SLC28A1: variants seen among roughly 807,000 people sequenced by gnomAD.
The protein encoded by SLC28A1 is sodium/nucleoside cotransporter 1.
Under a neutral mutation model 74.8 loss-of-function variants are expected in SLC28A1, and 64 were observed. The observed-to-expected ratio is 0.86, with a 90% CI of 0.70 to 1.05. The LOEUF (loss-of-function observed/expected upper bound fraction) is 1.05, where lower values mean the gene tolerates loss of function less well. SLC28A1 is among the 50% of genes least tolerant of loss of function. The probability of loss-of-function intolerance (pLI) is 0.00; values close to 1 mark genes in which losing one functional copy is unlikely to be tolerated. For synonymous variants in SLC28A1, 359 were observed against 335.0 expected, an observed-to-expected ratio of 1.07 and a Z score of -0.78; for missense variants, 828 against 822.8, an observed-to-expected ratio of 1.01 and a Z score of -0.08.
chr15:84,965,689 G>A, the SLC28A1 span, among the ~76,000 whole-genome samples: 4 of 152,132 alleles, frequency 2.6e-5, no homozygotes, highest in South Asian at 8.3e-4. Flanking sequence ...GTCCTGGTTT[G>A]CCTGAGACTT....
intron 12 of SLC28A1, among the ~76,000 whole-genome samples, chr15:84,928,520 T>C: frequency 3.9e-5 from 1 of 25,726 alleles, no homozygotes; most frequent in South Asian, 1.6e-3. Flanking sequence ...AGCTCCCAGG[T>C]TCGTTCGTTC....
At chr15:84,898,579 C>A (rs1471055144) in intron 6 of SLC28A1, among the ~76,000 whole-genome samples, 56 of 138,134 alleles carry the variant, frequency 4.1e-4, no homozygotes, top group African/African-American at 5.2e-4. Flanking sequence ...ACTCCATCAC[C>A]AAAAAAAAAA....
In SLC28A1 at chr15:84,935,353, C is replaced by G. The variant is rs1971758971; in HGVS notation, c.1416C>G (p.Ala472=). Residue 472 remains alanine, a synonymous_variant, in exon 15 of 19, where the codon GCC becomes GCG. Coordinates refer to ENST00000394573, the MANE Select transcript of SLC28A1 (RefSeq NM_004213.5). ...LICSYILRPV[A]FLMGVAWEDC... ...GCTCCTACATCCTGCGGCCTGTAGC[C>G]TTCTTGATGGGTGTGGCGTGGGAGG... 6.2e-7 allele frequency: 1 copy of G among 1,614,118 alleles called. No homozygotes were observed. Among genetic ancestry groups the G allele is most frequent in the Admixed American group, 1.7e-5 (1 of 60,000 alleles).
chr15:84,915,150 A>G (rs141708605), intron 9 of SLC28A1, among the ~76,000 whole-genome samples: 3 of 152,106 alleles, frequency 2.0e-5, no homozygotes, highest in Admixed American at 6.5e-5. Flanking sequence ...ATGTCATCCT[A>G]CCCGTGCTGG....
chr15:84,955,025 TCTCC>T, the SLC28A1 span, among the ~76,000 whole-genome samples: 1 of 152,070 alleles, frequency 6.6e-6, no homozygotes, highest in East Asian at 1.9e-4. Flanking sequence ...AAGAAAGAGT[TCTCC>T]CTGCTCTGTG....
At chr15:84,937,210 C>T (rs1972043561) in intron 15 of SLC28A1, among the ~76,000 whole-genome samples, 1 of 151,912 alleles carries the variant, frequency 6.6e-6, no homozygotes, top group Non-Finnish European at 1.5e-5. Context: ...TTTACCCAAT[C>T]CCCTGCTGTT....
the SLC28A1 span, among the ~76,000 whole-genome samples, chr15:84,970,608 CG>C: frequency 6.6e-6 from 1 of 152,086 alleles, no homozygotes; most frequent in Non-Finnish European, 1.5e-5. Context: ...TGGTGGCAGT[CG>C]GGGGTAAATT....
At chr15:84,968,936 T>C in the SLC28A1 span, among the ~76,000 whole-genome samples, 10 of 152,266 alleles carry the variant, frequency 6.6e-5, no homozygotes, top group Non-Finnish European at 8.8e-5. Flanking sequence ...AGGAGGATCC[T>C]GAGCTGGGGC....
chr15:84,908,725 T>A lies in SLC28A1; in HGVS notation c.725T>A (p.Leu242Gln). 1 of 1,613,732 alleles carries A rather than the reference T, an allele frequency of 6.2e-7. No homozygotes were observed. Among genetic ancestry groups the A allele is most frequent in the Non-Finnish European group, 8.5e-7 (1 of 1,179,928 alleles). The change falls in exon 9 of 19, where the codon CTG becomes CAG. Residue 242 changes from leucine to glutamine, a missense_variant. This residue lies in a region of SLC28A1 where 767 missense variants were observed against 753.5 expected (regional missense o/e 1.02). Coordinates refer to ENST00000394573, the MANE Select transcript of SLC28A1 (RefSeq NM_004213.5). ...TTTGCTTTTTTCTTTCAGATCTTCC[T>A]GAGCTACACGAAGGCTGGCTCCAGC... ...EWLGEQIRIF[L>Q]SYTKAGSSFV...
intron 1 of SLC28A1, chr15:84,886,241 C>T (rs1964587440): frequency 4.1e-6 from 4 of 985,422 alleles, no homozygotes; most frequent in South Asian, 4.7e-5. Flanking sequence ...CTGCTTTCCT[C>T]ATTTTCCAGC....
chr15:84,936,990 C>T (rs1972012831), intron 15 of SLC28A1, among the ~76,000 whole-genome samples: 1 of 151,388 alleles, frequency 6.6e-6, no homozygotes, highest in Admixed American at 6.6e-5. Context: ...GAGTTTGAGG[C>T]TGTAGTGAGC....
chr15:84,905,083 G>A (rs146366252), intron 7 of SLC28A1, among the ~76,000 whole-genome samples: 362 of 152,354 alleles, frequency 2.4e-3, no homozygotes, highest in African/African-American at 7.8e-3. Flanking sequence ...GGCGTGGGGT[G>A]TGGGCATGGA....
intron 12 of SLC28A1, among the ~76,000 whole-genome samples, chr15:84,931,793 G>C (rs2141993402): frequency 6.6e-6 from 1 of 152,026 alleles, no homozygotes; most frequent in Non-Finnish European, 1.5e-5. Context: ...CACGAGGTCA[G>C]GAGTTCGAGA....
intron 13 of SLC28A1, among the ~76,000 whole-genome samples, chr15:84,934,073 G>A (rs1258693037): frequency 6.6e-6 from 1 of 152,220 alleles, no homozygotes; most frequent in African/African-American, 2.4e-5. Context: ...GGAGGGCAGA[G>A]CCCTCATGAC....
the SLC28A1 span, among the ~76,000 whole-genome samples, chr15:84,954,039 A>G: frequency 6.6e-6 from 1 of 152,224 alleles, no homozygotes; most frequent in Non-Finnish European, 1.5e-5. Context: ...GGATTTCTCC[A>G]TAAGACTGGA....
chr15:84,929,136 C>T (rs1182433558), intron 12 of SLC28A1, among the ~76,000 whole-genome samples: 1 of 152,134 alleles, frequency 6.6e-6, no homozygotes, highest in Non-Finnish European at 1.5e-5. Flanking sequence ...TTTATTTTGT[C>T]ATCCATATTG....
chr15:84,915,703 C>T (rs964734174), intron 9 of SLC28A1, among the ~76,000 whole-genome samples: 4 of 152,194 alleles, frequency 2.6e-5, no homozygotes, highest in Non-Finnish European at 4.4e-5. Context: ...ATGCCCCTGA[C>T]ACAGTGCTAG....
At chr15:84,936,342 C>T (rs1010697795) in intron 15 of SLC28A1, among the ~76,000 whole-genome samples, 5 of 152,034 alleles carry the variant, frequency 3.3e-5, no homozygotes, top group Non-Finnish European at 7.4e-5. Context: ...ACTGCAACTT[C>T]CACCTCCCGG....
chr15:84,895,249 C>T, intron 6 of SLC28A1, 126 bp downstream of exon 6: 3 of 1,572,600 alleles, frequency 1.9e-6, no homozygotes, highest in East Asian at 2.3e-5. Context: ...CTCTGGCGCC[C>T]CAGGGCAGGA....
Sources: allele counts gnomAD v4.1 joint callset (sites outside exome capture counted in the v4.1 genomes callset), GRCh38; gene constraint gnomAD v4.1.1; regional missense constraint gnomAD v4.1.1; transcripts MANE v1.5; gene names NCBI Gene and HGNC (gene_info 2026-07-23, HGNC 2026-07-21).